Variants in FHOD3 observed in about 807,000 individuals in gnomAD.
FHOD3 encodes FH1/FH2 domain-containing protein 3.
Under a neutral mutation model 173.0 loss-of-function variants are expected in FHOD3, and 90 were observed. The observed-to-expected ratio is 0.52, with a 90% CI of 0.44 to 0.62. FHOD3 has a LOEUF of 0.62. Ranked by LOEUF, FHOD3 falls within the 20% of genes least tolerant of loss-of-function variation. The pLI is 0.00. For synonymous variants in FHOD3, 828 were observed against 823.0 expected (o/e 1.01, Z -0.10); for missense variants, 1,945 against 2,034.7 (o/e 0.96, Z 0.85).
At position 36,590,396 on chromosome 18, in the gene FHOD3, A is replaced by G. The variant is rs117920861; in HGVS notation, c.607-4391A>G. On this transcript the variant is annotated intron_variant, in intron 6 of 28. Transcript: ENST00000590592. ...GAGGTTGGCTCATAGAATTCTTTTG[A>G]TGGAATGTACCTTTTTTACTTTCAA... is the stretch of plus-strand genomic sequence containing the variant. Among the ~76,000 whole-genome samples the G allele has an allele frequency of 5.8e-3, 782 of 135,488 alleles. 4 individuals carry two copies. Among genetic ancestry groups the G allele is most frequent in the Non-Finnish European group, 9.6e-3 (594 of 61,842 alleles). The allele number at this position is 135,488 out of a possible 152,430, so 88.9% of individuals were successfully genotyped here.
At chr18:36,669,099 G>T (rs905202118) in intron 14 of FHOD3, among the ~76,000 whole-genome samples, 3 of 151,866 alleles carry the variant, frequency 2.0e-5, no homozygotes, top group African/African-American at 7.2e-5. Flanking sequence ...TTAAAAATAT[G>T]TTGCTGTTCT....
chr18:36,315,385 C>A (rs774079187), intron 1 of FHOD3, among the ~76,000 whole-genome samples: 9 of 152,154 alleles, frequency 5.9e-5, no homozygotes, highest in African/African-American at 9.7e-5. Flanking sequence ...AGCTCTGGAT[C>A]CCAGATTTGC....
chr18:36,350,104 T>C (rs949294494), intron 1 of FHOD3, among the ~76,000 whole-genome samples: 1 of 152,170 alleles, frequency 6.6e-6, no homozygotes, highest in African/African-American at 2.4e-5. Context: ...CTGCACTATC[T>C]TTGCTGGAAC....
intron 3 of FHOD3, among the ~76,000 whole-genome samples, chr18:36,482,866 G>C (rs62086188): frequency 0.39 from 31,673 of 81,698 alleles, 4,207 homozygotes; most frequent in Admixed American, 0.53. Flanking sequence ...CACAGAGAGA[G>C]AGAGAGAGAG....
rs11878091 is a variant in FHOD3, at chr18:36,743,892, T to C, written c.3880-140T>C. 0.33 allele frequency: 297,852 copies of C among 900,112 alleles called. 50,778 individuals are homozygous for C. The highest frequency in any genetic ancestry group is 0.44 in the South Asian group (31,081 of 70,884). The allele number at this position is 900,112 out of a possible 1,614,324, so 55.8% of individuals were successfully genotyped here. The stretch of plus-strand genomic sequence containing the variant: ...CCCATGTGTGATCAGCCATGGATCA[T>C]GGAGCATGTGGCCCCAGGAGCTTCA... On this transcript the variant is annotated intron_variant, in intron 22 of 28. Coordinates refer to ENST00000590592, the MANE Select transcript of FHOD3 (RefSeq NM_001281740.3).
intron 18 of FHOD3, among the ~76,000 whole-genome samples, chr18:36,716,763 T>A (rs2040472345): frequency 4.6e-5 from 7 of 152,056 alleles, no homozygotes; most frequent in Admixed American, 4.6e-4. Flanking sequence ...TTTGACTGGG[T>A]CCAAGAGAAA....
intron 24 of FHOD3, among the ~76,000 whole-genome samples, chr18:36,750,073 AG>A (rs1217151567): frequency 2.0e-5 from 3 of 152,084 alleles, no homozygotes; most frequent in African/African-American, 7.2e-5. Context: ...GTGGATCACG[AG>A]GTCAGGAGAT....
intron 5 of FHOD3, among the ~76,000 whole-genome samples, chr18:36,548,870 A>G (rs1020445872): frequency 6.6e-6 from 1 of 152,182 alleles, no homozygotes; most frequent in Non-Finnish European, 1.5e-5. Flanking sequence ...ACTATTCAAA[A>G]TAAAGCCTTT....
chr18:36,312,692 T>C (rs566744584), intron 1 of FHOD3, among the ~76,000 whole-genome samples: 17 of 152,216 alleles, frequency 1.1e-4, no homozygotes, highest in Non-Finnish European at 2.5e-4. Context: ...ATATGGAAAG[T>C]GCTCAATAAA....
intron 3 of FHOD3, among the ~76,000 whole-genome samples, chr18:36,459,314 A>G (rs1336856378): frequency 6.6e-6 from 1 of 152,256 alleles, no homozygotes; most frequent in Admixed American, 6.5e-5. Context: ...GAGAAAGAGA[A>G]GGTGGAAAAT....
chr18:36,686,667 G>C (rs1207944043), intron 15 of FHOD3, among the ~76,000 whole-genome samples: 7 of 151,556 alleles, frequency 4.6e-5, no homozygotes, highest in Non-Finnish European at 1.0e-4. Flanking sequence ...CTGGGTTGTG[G>C]AAGGAATATT....
intron 10 of FHOD3, among the ~76,000 whole-genome samples, chr18:36,639,476 T>A (rs1032649034): frequency 6.6e-6 from 1 of 152,062 alleles, no homozygotes; most frequent in African/African-American, 2.4e-5. Flanking sequence ...ATCAAGACCA[T>A]GGTGAAACCC....
At chr18:36,657,560 A>C (rs1027453612) in intron 13 of FHOD3, among the ~76,000 whole-genome samples, 38 of 152,240 alleles carry the variant, frequency 2.5e-4, no homozygotes, top group African/African-American at 7.0e-4. Flanking sequence ...AAGCCTGGGG[A>C]CAGTTTCTCC....
At chr18:36,674,838 G>T (rs1291977736) in intron 14 of FHOD3, among the ~76,000 whole-genome samples, 1 of 152,120 alleles carries the variant, frequency 6.6e-6, no homozygotes, top group East Asian at 1.9e-4. Context: ...TCTGGGATAA[G>T]ATGTCACAAA....
chr18:36,693,217 A>G lies in FHOD3; in HGVS notation c.2030A>G (p.Tyr677Cys). ...TGGAATTTAACTTTCAGATACAAAT[A>G]CTTGGAACAGTTGGCAGCTGAGGAG... ...QRQAREERYK[Y>C]LEQLAAEEHE... Residue 677 changes from tyrosine (Y) to cysteine (C), a missense_variant, in exon 17 of 29, where the codon TAC (tyrosine) becomes TGC (cysteine). Physicochemically the swap from Tyr to Cys is radical, Grantham distance 194. This residue lies in a region of FHOD3 where 1,099 missense variants were observed against 1,051.2 expected (regional missense o/e 1.05). Transcript: ENST00000590592. The G allele has an allele frequency of 6.2e-7, 1 of 1,613,162 alleles. No homozygotes were observed. Among genetic ancestry groups the G allele is most frequent in the South Asian group, 1.1e-5 (1 of 90,860 alleles).
At chr18:36,737,956 A>G (rs1027525472) in intron 20 of FHOD3, among the ~76,000 whole-genome samples, 2 of 152,240 alleles carry the variant, frequency 1.3e-5, no homozygotes, top group African/African-American at 2.4e-5. Flanking sequence ...AAACAGTCCC[A>G]TCTTCCAACA....
Position 36,312,431 on chromosome 18 carries a change from C to T in FHOD3, c.165+14431C>T, listed in dbSNP as rs552048377. Among the ~76,000 whole-genome samples, 267 of 152,266 alleles carry T rather than the reference C, an allele frequency of 1.8e-3. 2 individuals carry two copies. The highest frequency in any genetic ancestry group is 6.1e-3 in the African/African-American group (253 of 41,556). Reference sequence around the variant, plus strand: ...TCTCTGGGCTCTGAGGCCAAATACCCAGCTGCCCTTTGAACAGCTCGTCCT... The same window carrying T: ...TCTCTGGGCTCTGAGGCCAAATACCTAGCTGCCCTTTGAACAGCTCGTCCT... On this transcript the variant is annotated intron_variant, in intron 1 of 28. Transcript: ENST00000590592.
At chr18:36,631,972 G>A (rs2034546657) in intron 10 of FHOD3, among the ~76,000 whole-genome samples, 1 of 152,086 alleles carries the variant, frequency 6.6e-6, no homozygotes, top group African/African-American at 2.4e-5. Flanking sequence ...ATAATACCAT[G>A]ATGCTGTCAT....
rs537343168 is a variant in FHOD3, at chr18:36,748,768, G to A, written c.4232+1633G>A. On this transcript the variant is annotated intron_variant, in intron 24 of 28. Coordinates refer to ENST00000590592, the MANE Select transcript of FHOD3 (RefSeq NM_001281740.3). ...GTGGCCAGTCCAAAGTATCTAAACC[G>A]TAGAACCCTGTGTTCAAATGAAGTC... 7.2e-5 allele frequency among the ~76,000 whole-genome samples: 11 copies of A among 152,206 alleles called. No homozygotes were observed. The South Asian group carries it at 8.3e-4, about 12-fold the overall frequency.
Sources: gnomAD v4.1 joint callset for allele counts (sites outside exome capture counted in the v4.1 genomes callset) on GRCh38, gnomAD v4.1.1 for gene constraint, gnomAD v4.1.1 regional missense constraint, MANE v1.5 for transcripts, NCBI Gene and HGNC (gene_info 2026-07-23, HGNC 2026-07-21) for gene names.